TTC39C: variants seen among roughly 807,000 people sequenced by gnomAD.
TTC39C encodes the protein tetratricopeptide repeat protein 39C.
Under a neutral mutation model 76.3 loss-of-function variants are expected in TTC39C, and 33 were observed. The ratio of observed to expected loss-of-function variants is 0.43; its 90% CI spans 0.33 to 0.58. The LOEUF (loss-of-function observed/expected upper bound fraction) is 0.58, where lower values mean the gene tolerates loss of function less well. Ranked by LOEUF, TTC39C falls within the 20% of genes least tolerant of loss-of-function variation. The probability of loss-of-function intolerance (pLI) is 0.04; values close to 1 mark genes in which losing one functional copy is unlikely to be tolerated. For missense variants in TTC39C, 595 were observed against 701.4 expected, an observed-to-expected ratio of 0.85 and a Z score of 1.71; for synonymous variants, 254 against 260.6, an observed-to-expected ratio of 0.97 and a Z score of 0.24.
chr18:24,099,005 ATGTGTGTGTGTGTGTGTG>A (rs71373362), intron 6 of TTC39C, among the ~76,000 whole-genome samples: 3 of 130,724 alleles, frequency 2.3e-5, no homozygotes, highest in African/African-American at 2.9e-5. Context: ...AGTTAGAGGA[ATGTGTGTGTGTGTGTGTG>A]TGTGTGTGTG....
At chr18:24,015,687 TTAAGAA>T (rs1446034525) in intron 1 of TTC39C, among the ~76,000 whole-genome samples, 1 of 152,216 alleles carries the variant, frequency 6.6e-6, no homozygotes, top group Non-Finnish European at 1.5e-5. Context: ...GCGTTATTTA[TTAAGAA>T]TTTTTCCAAC....
intron 6 of TTC39C, among the ~76,000 whole-genome samples, chr18:24,103,668 A>C (rs1012982833): frequency 6.6e-6 from 1 of 152,150 alleles, no homozygotes; most frequent in Non-Finnish European, 1.5e-5. Flanking sequence ...TTATTAATGA[A>C]TTAGGAATTT....
chr18:24,014,643 TC>T, upstream of TTC39C: 1 of 496,270 alleles, frequency 2.0e-6, no homozygotes, highest in Non-Finnish European at 2.9e-6. Context: ...TGCTGAGTAA[TC>T]CCCGCGGCGG....
chr18:24,129,128 TCTC>T, intron 11 of TTC39C, 145 bp downstream of exon 11: 1 of 559,438 alleles, frequency 1.8e-6, no homozygotes, highest in East Asian at 3.3e-5. Flanking sequence ...AATGCCATCT[TCTC>T]AGATGCTAGA....
At chr18:24,119,845 C>T (rs981286813) in intron 8 of TTC39C, among the ~76,000 whole-genome samples, 1 of 152,140 alleles carries the variant, frequency 6.6e-6, no homozygotes, top group African/African-American at 2.4e-5. Context: ...CACACAACTC[C>T]GCAGCCATTA....
chr18:24,018,400 T>C (rs2083480582), intron 1 of TTC39C, among the ~76,000 whole-genome samples: 1 of 149,582 alleles, frequency 6.7e-6, no homozygotes, highest in African/African-American at 2.4e-5. Context: ...CACACACTCA[T>C]TCCCTTCCTC....
chr18:24,116,819 G>GTTTTTT (rs767138108), intron 7 of TTC39C, among the ~76,000 whole-genome samples: 4 of 95,066 alleles, frequency 4.2e-5, no homozygotes, highest in East Asian at 3.2e-4. Flanking sequence ...TGATACCTTA[G>GTTTTTT]TTTTTTTTTT....
At chr18:24,015,137 T>A in intron 1 of TTC39C, 99 bp downstream of exon 1, 3 of 1,161,068 alleles carry the variant, frequency 2.6e-6, no homozygotes, top group Non-Finnish European at 3.4e-6. Context: ...CTCCCCCTCC[T>A]GTCGGTCACC....
intron 4 of TTC39C, among the ~76,000 whole-genome samples, chr18:24,073,402 G>A (rs2084264798): frequency 6.6e-6 from 1 of 152,052 alleles, no homozygotes. Flanking sequence ...CTGCTGCCTC[G>A]AGCTTTTATT....
intron 2 of TTC39C, among the ~76,000 whole-genome samples, chr18:24,064,499 G>GTAATA (rs2084142011): frequency 6.6e-6 from 1 of 152,146 alleles, no homozygotes; most frequent in East Asian, 1.9e-4. Context: ...CTGGGTTTGG[G>GTAATA]TAATAAAGGT....
intron 10 of TTC39C, among the ~76,000 whole-genome samples, chr18:24,128,188 T>TAATG (rs1273722893): frequency 1.3e-5 from 2 of 152,188 alleles, no homozygotes; most frequent in African/African-American, 2.4e-5. Context: ...TGAATTAGTG[T>TAATG]AATGAATGAA....
intron 6 of TTC39C, among the ~76,000 whole-genome samples, chr18:24,111,568 A>G (rs2084810447): frequency 1.3e-4 from 1 of 7,752 alleles, no homozygotes; most frequent in Admixed American, 2.9e-3. Context: ...ACTCTGTCTA[A>G]AAAAAAAAAA....
intron 1 of TTC39C, among the ~76,000 whole-genome samples, chr18:23,996,324 C>G (rs2083261040): frequency 6.6e-6 from 1 of 152,222 alleles, no homozygotes; most frequent in Non-Finnish European, 1.5e-5. Flanking sequence ...ATCTACTATG[C>G]AGCCAAGTTT....
intron 1 of TTC39C, among the ~76,000 whole-genome samples, chr18:24,030,065 T>C (rs1397013478): frequency 6.6e-6 from 1 of 152,220 alleles, no homozygotes; most frequent in Non-Finnish European, 1.5e-5. Flanking sequence ...TTTTAGTTCT[T>C]TAAGGAATCG....
intron 12 of TTC39C, 121 bp from the exon 13 acceptor site, chr18:24,131,761 C>T (rs2085133164): frequency 1.4e-6 from 1 of 703,346 alleles, no homozygotes; most frequent in South Asian, 2.1e-5. Context: ...CTTGAATGAA[C>T]AGTTGACTCA....
At position 24,130,413 on chromosome 18, in the gene TTC39C, C is replaced by G. The variant is rs200139722; in HGVS notation, c.1619C>G (p.Pro540Arg). The G allele has an allele frequency of 2.5e-5, 36 of 1,446,176 alleles. No individual in the cohort carries two copies. The Admixed American group carries it at 6.0e-4, about 24-fold the overall frequency. 89.6% of individuals were successfully genotyped at this position (1,446,176 alleles called of 1,614,324 possible). A position where few individuals can be genotyped will look rare whatever the true frequency, so the allele number is the denominator to read the frequency against. ...YELGCLLLDK[P>R]ETVGRGRALL... is the part of the protein sequence containing the mutation. The stretch of plus-strand genomic sequence containing the variant: ...CTTGGCTGTCTTCTATTAGACAAAC[C>G]AGAGGTAAGATCTTATATATATAAT... Residue 540 changes from proline to arginine, a missense_variant, in exon 12 of 14, where the codon CCA becomes CGA. Physicochemically the swap from Pro to Arg is moderately radical, Grantham distance 103 (BLOSUM62 -2). Transcript: ENST00000317571.
intron 6 of TTC39C, chr18:24,114,226 G>A (rs1599339134): frequency 7.3e-6 from 2 of 275,720 alleles, no homozygotes; most frequent in African/African-American, 2.2e-5. Flanking sequence ...AAGGCGGCGC[G>A]AGCTGAGCCC....
At chr18:24,014,744 C>T, upstream of TTC39C, 6 of 1,079,496 alleles carry the variant, frequency 5.6e-6, no homozygotes, top group Non-Finnish European at 6.8e-6. Flanking sequence ...CCCGTCTTCT[C>T]CCCTCCCCTC....
At chr18:24,022,487 G>T (rs1273314298) in intron 1 of TTC39C, 1 of 894,672 alleles carries the variant, frequency 1.1e-6, no homozygotes, top group African/African-American at 1.8e-5. Flanking sequence ...TTGAAACTGG[G>T]CTGCATGGCT....
Sources: allele counts gnomAD v4.1 joint callset (sites outside exome capture counted in the v4.1 genomes callset), GRCh38; gene constraint gnomAD v4.1.1; transcripts MANE v1.5; gene names NCBI Gene and HGNC (gene_info 2026-07-23, HGNC 2026-07-21).